The following MVP variants were observed in gnomAD, a reference collection of about 807,000 sequenced individuals.
MVP encodes lung resistance-related protein.
MVP carries 62 observed loss-of-function variants against 83.5 expected under a neutral mutation model. The ratio of observed to expected loss-of-function variants is 0.74; its 90% confidence interval spans 0.61 to 0.92. The LOEUF (loss-of-function observed/expected upper bound fraction) is 0.92. Among genes scored for constraint, MVP ranks in the 40% least tolerant of loss-of-function variants. The pLI is 0.00. For missense variants in MVP, 1,000 were observed against 1,203.4 expected (o/e 0.83, Z 2.50); for synonymous variants, 505 against 504.1 (o/e 1.00, Z -0.02).
chr16:29,836,971 C>A lies in MVP; in HGVS notation c.909+13C>A, dbSNP rs1393046952. On this transcript the variant is annotated intron_variant, in intron 7 of 14. Transcript: ENST00000357402. ...GCGCGTGGTCAAGGTGAGGTCCCTA[C>A]ACCCCCACAGAGGACTGCCCTGGGA... The A allele has an allele frequency of 6.2e-7, 1 of 1,600,410 alleles. No homozygotes were observed. Among genetic ancestry groups the A allele is most frequent in the Non-Finnish European group, 8.5e-7 (1 of 1,170,918 alleles).
chr16:29,824,601 AC>A (rs1325737034), intron 1 of MVP, among the ~76,000 whole-genome samples: 2 of 152,170 alleles, frequency 1.3e-5, no homozygotes, highest in African/African-American at 4.8e-5. Flanking sequence ...CTACTAAAAT[AC>A]AAAAAATTAG....
At chr16:29,831,450 G>T (rs1163246631) in intron 3 of MVP, among the ~76,000 whole-genome samples, 1 of 151,636 alleles carries the variant, frequency 6.6e-6, no homozygotes, top group East Asian at 1.9e-4. Flanking sequence ...CACTGTTCCC[G>T]GCCTGTACCG....
chr16:29,830,480 C>T (rs1184994314), intron 1 of MVP, 35 bp from the exon 2 acceptor site: 1 of 1,573,456 alleles, frequency 6.4e-7, no homozygotes, highest in Non-Finnish European at 8.6e-7. Flanking sequence ...CCAGGCTCCC[C>T]AGGTTCATCC....
intron 5 of MVP, chr16:29,834,869 A>ATTTTTT (rs61591338): frequency 1.1e-5 from 1 of 88,912 alleles, no homozygotes. Flanking sequence ...TTTTTTTTGT[A>ATTTTTT]TTTTTTTTTT....
At chr16:29,835,617 C>CA (rs2150755078) in intron 5 of MVP, 87 bp from the exon 6 acceptor site, 1 of 1,081,192 alleles carries the variant, frequency 9.2e-7, no homozygotes, top group East Asian at 2.6e-5. Flanking sequence ...TGAAATCTGT[C>CA]AATCCCCTGT....
intron 7 of MVP, among the ~76,000 whole-genome samples, chr16:29,839,338 G>T (rs1007399567): frequency 6.6e-6 from 1 of 152,174 alleles, no homozygotes; most frequent in African/African-American, 2.4e-5. Flanking sequence ...CTAGGTACAG[G>T]ATTTCTTTTC....
Position 29,830,959 on chromosome 16 carries a change from C to T in MVP, c.207C>T (p.Ala69=). ...TGGCCAACCCTGTGTCTCGGGATGC[C>T]CAGGGCTTGGTGCTGTTTGATGTCA... ...CTVANPVSRD[A]QGLVLFDVTG... is the part of the protein sequence containing the mutation. Residue 69 remains alanine (A), a synonymous_variant, in exon 3 of 15, where the codon GCC becomes GCT. Transcript: ENST00000357402. 1 of 1,614,074 alleles carries T rather than the reference C, an allele frequency of 6.2e-7. No individual in the cohort carries two copies. Among genetic ancestry groups the T allele is most frequent in the South Asian group, 1.1e-5 (1 of 91,078 alleles).
chr16:29,840,538 G>A, intron 8 of MVP, 79 bp downstream of exon 8: 2 of 1,478,746 alleles, frequency 1.4e-6, no homozygotes, highest in Non-Finnish European at 1.8e-6. Context: ...TGTGGAAGAG[G>A]TGGGCAGGGA....
intron 1 of MVP, chr16:29,820,981 ACTC>A (rs1394959449): frequency 6.6e-6 from 1 of 151,880 alleles, no homozygotes. Context: ...AGGGTTTCTT[ACTC>A]CTCCATGCAG....
intron 1 of MVP, among the ~76,000 whole-genome samples, chr16:29,828,479 G>A (rs1393874228): frequency 1.3e-5 from 2 of 152,080 alleles, no homozygotes; most frequent in African/African-American, 2.4e-5. Flanking sequence ...TCCCAGGTTC[G>A]AGCAATCCTC....
intron 14 of MVP, 43 bp from the exon 15 acceptor site, chr16:29,847,719 G>A (rs1013288444): frequency 6.3e-7 from 1 of 1,586,938 alleles, no homozygotes; most frequent in African/African-American, 1.3e-5. Context: ...AAGTGGCCAG[G>A]GTTTGACGCC....
rs2067464784 is a variant in MVP at position 29,833,930 on chromosome 16, C to T, written c.446-5C>T. ...TACCTTCTGACCATCACCTTCCCTC[C>T]CCAGGCACGTACATCCCCCGGAAGG... On this transcript the variant is annotated splice_polypyrimidine_tract_variant and splice_region_variant and intron_variant, in intron 4 of 14. Coordinates refer to ENST00000357402, the MANE Select transcript of MVP (RefSeq NM_005115.5). The T allele has an allele frequency of 1.2e-6, 2 of 1,614,102 alleles. No homozygotes were observed. Among genetic ancestry groups the T allele is most frequent in the Non-Finnish European group, 1.7e-6 (2 of 1,180,016 alleles).
rs375455185 is a variant in MVP at position 29,830,633 on chromosome 16, G to A, written c.84G>A (p.Val28=). 9 of 1,612,984 alleles carry A rather than the reference G, an allele frequency of 5.6e-6. No homozygotes were observed. Among genetic ancestry groups the A allele is most frequent in the Non-Finnish European group, 3.4e-6 (4 of 1,179,648 alleles). Residue 28 remains valine (V), a synonymous_variant, in exon 2 of 15, where the codon GTG becomes GTA. Coordinates refer to ENST00000357402, the MANE Select transcript of MVP (RefSeq NM_005115.5). Reference sequence around the variant, plus strand: ...ACCAGAACAGCAACGTGTCCCGTGTGGAGGTCGGGCCAAAGACCTACATCC... The same window carrying A: ...ACCAGAACAGCAACGTGTCCCGTGTAGAGGTCGGGCCAAAGACCTACATCC... ...VLDQNSNVSR[V]EVGPKTYIRQ...
In MVP at chr16:29,834,432, G is replaced by A. The variant is rs955389064; in HGVS notation, c.577+366G>A. The A allele has an allele frequency of 1.3e-4, 38 of 287,772 alleles. No homozygotes were observed. The East Asian group carries it at 3.6e-3, about 27-fold the overall frequency. The allele number at this position is 287,772 out of a possible 1,614,324, so 17.8% of individuals were successfully genotyped here. On this transcript the variant is annotated intron_variant, in intron 5 of 14. Coordinates refer to ENST00000357402, the MANE Select transcript of MVP (RefSeq NM_005115.5). ...CTCACACCTGTCATCCCAGCACTTT[G>A]CCAAGGTGGGTGAATCGTCTGAGCC...
At chr16:29,822,023 C>G (rs1282854322) in intron 1 of MVP, among the ~76,000 whole-genome samples, 1 of 151,748 alleles carries the variant, frequency 6.6e-6, no homozygotes, top group Non-Finnish European at 1.5e-5. Context: ...GCCAGGAGTT[C>G]CAGACCAGCC....
intron 14 of MVP, 140 bp downstream of exon 14, chr16:29,847,525 A>C: frequency 1.1e-6 from 1 of 902,472 alleles, no homozygotes; most frequent in Non-Finnish European, 1.7e-6. Flanking sequence ...AGGGACATTC[A>C]CACAGTGTCA....
chr16:29,845,910 G>C lies in MVP; in HGVS notation c.2069G>C (p.Arg690Pro), dbSNP rs201522490. ...LEQEARGRLE[R>P]QKILDQSEAE... ...CAGGAAGCCCGCGGCCGGCTTGAGC[G>C]GCAGAAGATCCTGGACCAGTCAGAA... The change falls in exon 12 of 15, where the codon CGG (arginine) becomes CCG (proline). Residue 690 changes from arginine to proline, a missense_variant. By Grantham distance (103) the Arg-to-Pro change is moderately radical (BLOSUM62 -2). Coordinates refer to ENST00000357402, the MANE Select transcript of MVP (RefSeq NM_005115.5). The C allele has an allele frequency of 1.9e-6, 3 of 1,614,172 alleles. No individual in the cohort carries two copies. The highest frequency in any genetic ancestry group is 2.5e-6 in the Non-Finnish European group (3 of 1,180,020).
At chr16:29,832,635 C>G (rs1403809593) in intron 3 of MVP, among the ~76,000 whole-genome samples, 1 of 145,542 alleles carries the variant, frequency 6.9e-6, no homozygotes, top group Non-Finnish European at 1.5e-5. Flanking sequence ...CCCCTGTTGC[C>G]TAGACGAGAG....
chr16:29,839,783 C>CAAAAAA (rs71373206), intron 7 of MVP, among the ~76,000 whole-genome samples: 8 of 47,362 alleles, frequency 1.7e-4, no homozygotes, highest in African/African-American at 7.7e-4. Flanking sequence ...AAGACTATCT[C>CAAAAAA]AAAAAAAAAA....
Sources: gnomAD v4.1 joint callset for allele counts (sites outside exome capture counted in the v4.1 genomes callset) on GRCh38, gnomAD v4.1.1 for gene constraint, MANE v1.5 for transcripts, NCBI Gene and HGNC (gene_info 2026-07-23, HGNC 2026-07-21) for gene names.